The following LONP2 variants were observed in gnomAD, a reference collection of about 807,000 sequenced individuals.
LONP2 encodes the protein lon protease homolog 2, peroxisomal.
Under a neutral mutation model 85.6 loss-of-function variants are expected in LONP2, and 60 were observed. The ratio of observed to expected loss-of-function variants is 0.70; its 90% CI spans 0.57 to 0.87. The LOEUF is 0.87. LONP2 is among the 40% of genes least tolerant of loss of function. LONP2 has a pLI of 0.00. For synonymous variants in LONP2, 395 were observed against 389.7 expected (o/e 1.01, Z -0.16); for missense variants, 860 against 1,063.5 (o/e 0.81, Z 2.66).
intron 11 of LONP2, among the ~76,000 whole-genome samples, chr16:48,311,643 A>G (rs1973033587): frequency 6.6e-6 from 1 of 151,276 alleles, no homozygotes; most frequent in Admixed American, 6.6e-5. Context: ...TTTTAATTTA[A>G]TTTTATTTTG....
At chr16:48,342,418 G>A (rs967908966) in intron 12 of LONP2, among the ~76,000 whole-genome samples, 39 of 152,158 alleles carry the variant, frequency 2.6e-4, no homozygotes, top group African/African-American at 8.9e-4. Context: ...AATCATGGTA[G>A]TAAATTACTT....
chr16:48,270,353 G>C (rs1972078155), intron 7 of LONP2, 79 bp downstream of exon 7: 1 of 1,463,078 alleles, frequency 6.8e-7, no homozygotes, highest in African/African-American at 1.4e-5. Context: ...CTTAGGCATA[G>C]CATACATCTA....
intron 9 of LONP2, among the ~76,000 whole-genome samples, chr16:48,297,851 C>A (rs565154853): frequency 6.6e-6 from 1 of 152,196 alleles, no homozygotes; most frequent in East Asian, 1.9e-4. Context: ...AGGCGTGCAC[C>A]ACCACGCCCA....
At chr16:48,271,416 A>T (rs916914609) in intron 7 of LONP2, among the ~76,000 whole-genome samples, 1 of 152,192 alleles carries the variant, frequency 6.6e-6, no homozygotes, top group African/African-American at 2.4e-5. Flanking sequence ...GGAACCATGA[A>T]CTGCTTATAA....
At chr16:48,362,133 T>C, downstream of LONP2, 1 of 1,614,168 alleles carries the variant, frequency 6.2e-7, no homozygotes. This position sits in a 1 kb window ranked among gnomAD's most constrained non-coding sequence, Gnocchi z 4.2. Flanking sequence ...AGACGCATAT[T>C]TACAGGGGAA....
intron 11 of LONP2, among the ~76,000 whole-genome samples, chr16:48,326,774 C>G (rs545210332): frequency 6.6e-6 from 1 of 152,280 alleles, no homozygotes; most frequent in South Asian, 2.1e-4. Context: ...TTATTACAAC[C>G]CCCTTATCCT....
chr16:48,247,110 G>A (rs546944032), intron 1 of LONP2, among the ~76,000 whole-genome samples: 1,520 of 151,784 alleles, frequency 0.01, no homozygotes, highest in African/African-American at 0.035. Flanking sequence ...TATCCTAGAA[G>A]TATTGTTTGC....
downstream of LONP2, among the ~76,000 whole-genome samples, chr16:48,358,337 A>G (rs1960451401): frequency 6.8e-6 from 1 of 147,580 alleles, no homozygotes; most frequent in African/African-American, 2.7e-5. Flanking sequence ...CCAAGAATAT[A>G]AACAGAAAAC....
At chr16:48,289,974 A>G (rs1257021059) in intron 8 of LONP2, among the ~76,000 whole-genome samples, 1 of 152,148 alleles carries the variant, frequency 6.6e-6, no homozygotes, top group Non-Finnish European at 1.5e-5. Context: ...TTTTGCTTGA[A>G]AATTCTGTAG....
chr16:48,296,314 A>G (rs1310993905), intron 9 of LONP2, 149 bp downstream of exon 9: 11 of 848,660 alleles, frequency 1.3e-5, no homozygotes, highest in Middle Eastern at 3.4e-4. Flanking sequence ...ATCAGTTTCT[A>G]TGTAGCTTCA....
Position 48,352,103 on chromosome 16 carries a change from C to G in LONP2, c.*301C>G, listed in dbSNP as rs1248967364. 6.7e-6 allele frequency: 2 copies of G among 297,366 alleles called. No homozygotes were observed. The highest frequency in any genetic ancestry group is 4.3e-5 in the African/African-American group (2 of 46,860). The allele number at this position is 297,366 out of a possible 1,614,324, so 18.4% of individuals were successfully genotyped here. Reference sequence around the variant, plus strand: ...CAGAAGCATCTGTAGTACCTGGTAACTTGTTAGAAATGTACATTCTCAGGC... The same window carrying G: ...CAGAAGCATCTGTAGTACCTGGTAAGTTGTTAGAAATGTACATTCTCAGGC... On this transcript the variant is annotated 3_prime_UTR_variant, in exon 15 of 15. Transcript: ENST00000285737.
chr16:48,331,054 T>A (rs967028048), intron 11 of LONP2, among the ~76,000 whole-genome samples: 1 of 152,192 alleles, frequency 6.6e-6, no homozygotes, highest in African/African-American at 2.4e-5. Flanking sequence ...AGTAATTAGA[T>A]CTCAGAAAAG....
Position 48,270,895 on chromosome 16 carries a change from A to C in LONP2, c.1241+621A>C, listed in dbSNP as rs548721585. Among the ~76,000 whole-genome samples, 18 of 152,296 alleles carry C rather than the reference A, an allele frequency of 1.2e-4. No homozygotes were observed. The South Asian group carries it at 3.3e-3, about 28-fold the overall frequency. On this transcript the variant is annotated intron_variant, in intron 7 of 14. Coordinates refer to ENST00000285737, the MANE Select transcript of LONP2 (RefSeq NM_031490.5). ...GTAATCCTAACACTTTGGGAGGCTGAGGTGGGTGGATTGTTTGAGCCTAAC... is the reference window on the plus strand; with the variant it reads ...GTAATCCTAACACTTTGGGAGGCTGCGGTGGGTGGATTGTTTGAGCCTAAC...
intron 8 of LONP2, among the ~76,000 whole-genome samples, chr16:48,279,910 A>G (rs572702149): frequency 6.6e-6 from 1 of 152,054 alleles, no homozygotes; most frequent in Non-Finnish European, 1.5e-5. Context: ...GGCCTGGGAC[A>G]TGTGTCTTAT....
intron 9 of LONP2, among the ~76,000 whole-genome samples, chr16:48,298,626 G>GCT (rs1555481193): frequency 7.4e-6 from 1 of 134,322 alleles, no homozygotes; most frequent in African/African-American, 2.8e-5. Context: ...ATTTAATTGA[G>GCT]GTGTGTGTGT....
chr16:48,270,358 C>A (rs1972078224), intron 7 of LONP2, 84 bp downstream of exon 7: 4 of 1,430,504 alleles, frequency 2.8e-6, no homozygotes, highest in Non-Finnish European at 3.8e-6. Flanking sequence ...GCATAGCATA[C>A]ATCTATTTTC....
chr16:48,289,565 G>A (rs1972517710), intron 8 of LONP2, among the ~76,000 whole-genome samples: 2 of 152,132 alleles, frequency 1.3e-5, no homozygotes, highest in Non-Finnish European at 2.9e-5. Flanking sequence ...TGGTGATTTT[G>A]GGGGCCAAAT....
intron 7 of LONP2, among the ~76,000 whole-genome samples, chr16:48,271,943 T>C (rs1165920077): frequency 6.6e-6 from 1 of 152,196 alleles, no homozygotes; most frequent in Non-Finnish European, 1.5e-5. Flanking sequence ...TCAAAGAAGC[T>C]GCGTCTAGGG....
Position 48,346,671 on chromosome 16 carries a change from A to G in LONP2, c.1939-836A>G, listed in dbSNP as rs182282130. 1.1e-4 allele frequency among the ~76,000 whole-genome samples: 16 copies of G among 152,196 alleles called. No homozygotes were observed. In the East Asian group the frequency reaches 2.7e-3, roughly 26 times the overall value. Reference sequence around the variant, plus strand: ...CACCATGTTGCCCACACTGGTCTCTATCGAACTCCTGGGCTCAAGCGATCC... The same window carrying G: ...CACCATGTTGCCCACACTGGTCTCTGTCGAACTCCTGGGCTCAAGCGATCC... On this transcript the variant is annotated intron_variant, in intron 12 of 14. Transcript: ENST00000285737.
Sources: allele counts gnomAD v4.1 joint callset (sites outside exome capture counted in the v4.1 genomes callset), GRCh38; gene constraint gnomAD v4.1.1; non-coding constraint Gnocchi (gnomAD v3.1); transcripts MANE v1.5; gene names NCBI Gene and HGNC (gene_info 2026-07-23, HGNC 2026-07-21).